LEKR1: variants seen among roughly 807,000 people sequenced by gnomAD.
LEKR1 encodes the protein protein LEKR1.
Under a neutral mutation model 72.4 loss-of-function variants are expected in LEKR1, and 59 were observed. The ratio of observed to expected loss-of-function variants is 0.82; its 90% CI spans 0.66 to 1.01. LEKR1 has a LOEUF of 1.01. Among genes scored for constraint, LEKR1 ranks in the 50% least tolerant of loss-of-function variants. LEKR1 has a pLI of 0.00. For missense variants in LEKR1, 728 were observed against 759.2 expected (o/e 0.96, Z 0.48); for synonymous variants, 257 against 263.2 (o/e 0.98, Z 0.23).
At chr3:157,007,134 G>A (rs1175357163) in intron 9 of LEKR1, among the ~76,000 whole-genome samples, 4 of 152,212 alleles carry the variant, frequency 2.6e-5, no homozygotes, top group Admixed American at 6.5e-5. Flanking sequence ...CCCGGGAGGC[G>A]GAGCTTGCAG....
At chr3:156,980,705 A>T (rs1304158102) in intron 7 of LEKR1, among the ~76,000 whole-genome samples, 1 of 152,212 alleles carries the variant, frequency 6.6e-6, no homozygotes, top group Non-Finnish European at 1.5e-5. Context: ...AAGAGGGCAC[A>T]GTCTAGGCAT....
intron 10 of LEKR1, among the ~76,000 whole-genome samples, chr3:157,012,737 G>T (rs1319131357): frequency 6.6e-6 from 1 of 152,058 alleles, no homozygotes; most frequent in African/African-American, 2.4e-5. Context: ...ATGGACTAAT[G>T]TTGCTATTTG....
chr3:156,991,842 C>G (rs1033168999), intron 7 of LEKR1, among the ~76,000 whole-genome samples: 1 of 152,170 alleles, frequency 6.6e-6, no homozygotes, highest in Non-Finnish European at 1.5e-5. Context: ...CTGTCTTTCT[C>G]TTTAGAATGA....
At position 157,042,230 on chromosome 3, in the gene LEKR1, G is replaced by C. The variant is rs2108048441; in HGVS notation, c.1669-3110G>C. ...AATTTTGGATCCTATTTTCAATTCAGGGGTCCTCCTGGTTTGGGAACTAAT... is the reference window on the plus strand; with the variant it reads ...AATTTTGGATCCTATTTTCAATTCACGGGTCCTCCTGGTTTGGGAACTAAT... On this transcript the variant is annotated intron_variant, in intron 12 of 12. Coordinates refer to ENST00000356539, the MANE Select transcript of LEKR1 (RefSeq NM_001004316.3). Among the ~76,000 whole-genome samples, 2 of 152,304 alleles carry C rather than the reference G, an allele frequency of 1.3e-5. 1 individual carries two copies. Among genetic ancestry groups the C allele is most frequent in the Middle Eastern group, 6.8e-3 (2 of 294 alleles).
intron 6 of LEKR1, among the ~76,000 whole-genome samples, chr3:156,966,656 G>A (rs537643504): frequency 1.4e-4 from 21 of 152,252 alleles, no homozygotes; most frequent in South Asian, 1.0e-3. Flanking sequence ...GAAGCCCACC[G>A]CAGCTCAAGG....
intron 6 of LEKR1, among the ~76,000 whole-genome samples, chr3:156,953,358 T>C (rs758908830): frequency 1.7e-4 from 26 of 151,564 alleles, no homozygotes; most frequent in Non-Finnish European, 3.1e-4. Context: ...TCAATTTTTA[T>C]TTTAAGTTCT....
intron 6 of LEKR1, among the ~76,000 whole-genome samples, chr3:156,974,455 CG>C (rs775264747): frequency 3.3e-5 from 5 of 152,076 alleles, no homozygotes; most frequent in Non-Finnish European, 7.4e-5. Flanking sequence ...ATATTAAAAA[CG>C]AAACAAAACT....
intron 5 of LEKR1, among the ~76,000 whole-genome samples, chr3:156,937,388 T>C (rs1303254097): frequency 1.3e-5 from 2 of 152,214 alleles, no homozygotes; most frequent in South Asian, 4.1e-4. Flanking sequence ...TAACCGAAGA[T>C]GATATATAGA....
intron 10 of LEKR1, among the ~76,000 whole-genome samples, chr3:157,015,748 C>A (rs1242941574): frequency 6.6e-6 from 1 of 151,914 alleles, no homozygotes; most frequent in Admixed American, 6.6e-5. Context: ...TAAAAACTGA[C>A]CCAGAAAGGC....
chr3:156,854,717 T>C (rs1422057207), intron 3 of LEKR1, among the ~76,000 whole-genome samples: 3 of 151,186 alleles, frequency 2.0e-5, no homozygotes, highest in Non-Finnish European at 4.4e-5. Context: ...ATTTTTGTAT[T>C]TTGTAGTTTT....
chr3:156,865,895 C>G (rs1017872484), intron 3 of LEKR1, among the ~76,000 whole-genome samples: 2 of 151,964 alleles, frequency 1.3e-5, no homozygotes. Flanking sequence ...CAGGGTTTAG[C>G]TGAGATGCCA....
chr3:156,977,581 A>G, intron 6 of LEKR1: 1 of 309,826 alleles, frequency 3.2e-6, no homozygotes, highest in Non-Finnish European at 6.5e-6. Flanking sequence ...CACAGATGTG[A>G]TTATGACATA....
intron 5 of LEKR1, among the ~76,000 whole-genome samples, chr3:156,936,467 C>CA (rs767163001): frequency 0.11 from 7,805 of 70,024 alleles, 269 homozygotes; most frequent in East Asian, 0.21. Flanking sequence ...ACACACACAC[C>CA]CCCCGTATGC....
intron 6 of LEKR1, among the ~76,000 whole-genome samples, chr3:156,969,182 C>G (rs1490186958): frequency 6.6e-6 from 1 of 151,924 alleles, no homozygotes; most frequent in Non-Finnish European, 1.5e-5. Context: ...CAAGAAAGAT[C>G]TAAAATTGAC....
At chr3:157,025,432 A>G (rs1215163131) in intron 11 of LEKR1, among the ~76,000 whole-genome samples, 1 of 152,112 alleles carries the variant, frequency 6.6e-6, no homozygotes, top group Non-Finnish European at 1.5e-5. Flanking sequence ...TCCTGTTTTT[A>G]TAGGACTTGA....
chr3:156,939,412 A>G (rs1479332068), intron 5 of LEKR1, among the ~76,000 whole-genome samples: 1 of 152,212 alleles, frequency 6.6e-6, no homozygotes, highest in Non-Finnish European at 1.5e-5. Context: ...CTGTGAGAAA[A>G]TAAATTTCTG....
At chr3:156,989,922 C>T (rs1383748234) in intron 7 of LEKR1, among the ~76,000 whole-genome samples, 1 of 152,120 alleles carries the variant, frequency 6.6e-6, no homozygotes, top group Non-Finnish European at 1.5e-5. Flanking sequence ...CTAGATACTT[C>T]AGCCAGCCTA....
intron 12 of LEKR1, among the ~76,000 whole-genome samples, chr3:157,031,703 G>A (rs1327726059): frequency 1.3e-5 from 2 of 152,178 alleles, no homozygotes; most frequent in Admixed American, 1.3e-4. Flanking sequence ...CTGCATTTAA[G>A]TGGAAAACAA....
chr3:156,955,712 A>G (rs1464977205), intron 6 of LEKR1, among the ~76,000 whole-genome samples: 1 of 152,094 alleles, frequency 6.6e-6, no homozygotes, highest in Non-Finnish European at 1.5e-5. Context: ...ATTATGGTGG[A>G]TAAGCTTTTT....
Sources: gnomAD v4.1 joint callset for allele counts (sites outside exome capture counted in the v4.1 genomes callset) on GRCh38, gnomAD v4.1.1 for gene constraint, MANE v1.5 for transcripts, NCBI Gene and HGNC (gene_info 2026-07-23, HGNC 2026-07-21) for gene names.